Variants in CHRM3 observed in about 807,000 individuals in gnomAD.
CHRM3 encodes the protein cholinergic receptor muscarinic 3.
In CHRM3, 11 loss-of-function variants were observed where a neutral mutation model predicts 41.8. That is an observed-to-expected ratio of 0.26 (90% CI 0.17 to 0.44). CHRM3 has a LOEUF of 0.44. Among genes scored for constraint, CHRM3 ranks in the 20% least tolerant of loss-of-function variants. CHRM3 has a pLI of 1.00. For synonymous variants in CHRM3, 297 were observed against 301.4 expected (o/e 0.99, Z 0.15); for missense variants, 571 against 745.4 (o/e 0.77, Z 2.72).
At chr1:239,795,655 G>T (rs1669707090) in intron 5 of CHRM3, among the ~76,000 whole-genome samples, 1 of 152,096 alleles carries the variant, frequency 6.6e-6, no homozygotes, top group Admixed American at 6.6e-5. Flanking sequence ...TTCCTATAAA[G>T]AACTTTATTG....
At chr1:239,848,006 A>G (rs1283450492) in intron 6 of CHRM3, among the ~76,000 whole-genome samples, 4 of 150,390 alleles carry the variant, frequency 2.7e-5, no homozygotes. Flanking sequence ...GGTAGCAAGA[A>G]GCTGATCCAT....
chr1:239,407,643 C>T (rs1660718622), intron 1 of CHRM3, among the ~76,000 whole-genome samples: 1 of 152,052 alleles, frequency 6.6e-6, no homozygotes. Context: ...CTGTCACTCA[C>T]AATAAATTAT....
In CHRM3 at chr1:239,641,283, G is replaced by A. The variant is rs573253093; in HGVS notation, c.-250+8997G>A. Among the ~76,000 whole-genome samples, 31 of 150,764 alleles carry A rather than the reference G, an allele frequency of 2.1e-4. 1 individual carries two copies. The South Asian group carries it at 3.6e-3, about 18-fold the overall frequency. Reference sequence around the variant, plus strand: ...AGTTCTGTAGATGTCTATTAGGTCCGCTTGGTGCAGAGCTGAGTTCAATTC... The same window carrying A: ...AGTTCTGTAGATGTCTATTAGGTCCACTTGGTGCAGAGCTGAGTTCAATTC... On this transcript the variant is annotated intron_variant, in intron 4 of 6. Coordinates refer to ENST00000676153, the MANE Select transcript of CHRM3 (RefSeq NM_001375978.1).
At chr1:239,722,074 A>G (rs1276937699) in intron 5 of CHRM3, among the ~76,000 whole-genome samples, 1 of 151,952 alleles carries the variant, frequency 6.6e-6, no homozygotes, top group African/African-American at 2.4e-5. Context: ...ACAGGCATTT[A>G]GATACAACAC....
At chr1:239,406,241 G>A (rs945011651) in intron 1 of CHRM3, among the ~76,000 whole-genome samples, 1 of 152,078 alleles carries the variant, frequency 6.6e-6, no homozygotes, top group Non-Finnish European at 1.5e-5. Context: ...AGACTCCCTT[G>A]GTATTTTGAC....
intron 3 of CHRM3, among the ~76,000 whole-genome samples, chr1:239,563,417 T>G (rs190812245): frequency 1.6e-4 from 25 of 152,134 alleles, no homozygotes; most frequent in African/African-American, 6.0e-4. Context: ...TGACCAATAT[T>G]TGGGGACAGT....
intron 3 of CHRM3, among the ~76,000 whole-genome samples, chr1:239,559,395 C>G (rs1293301826): frequency 1.3e-5 from 2 of 152,158 alleles, no homozygotes; most frequent in Non-Finnish European, 2.9e-5. Flanking sequence ...AATTGAATCT[C>G]TCATTTCAGC....
At chr1:239,523,945 C>T (rs1669824480) in intron 2 of CHRM3, among the ~76,000 whole-genome samples, 1 of 152,082 alleles carries the variant, frequency 6.6e-6, no homozygotes, top group Admixed American at 6.5e-5. Context: ...GGAAATCACA[C>T]ACAGCACATT....
At chr1:239,756,350 T>C (rs1396239512) in intron 5 of CHRM3, among the ~76,000 whole-genome samples, 4 of 152,206 alleles carry the variant, frequency 2.6e-5, no homozygotes, top group Admixed American at 6.5e-5. Context: ...AACTCAATGC[T>C]ACCAAAATGA....
chr1:239,839,765 G>T (rs962342567), intron 6 of CHRM3, among the ~76,000 whole-genome samples: 5 of 148,626 alleles, frequency 3.4e-5, no homozygotes, highest in African/African-American at 1.2e-4. Context: ...TACCATGAAT[G>T]TCTGGGACAT....
intron 1 of CHRM3, among the ~76,000 whole-genome samples, chr1:239,401,404 A>T (rs1199553079): frequency 1.3e-5 from 2 of 152,120 alleles, no homozygotes; most frequent in East Asian, 1.9e-4. Context: ...GACTTTCCTT[A>T]AAGTACACTT....
intron 1 of CHRM3, among the ~76,000 whole-genome samples, chr1:239,489,431 G>T (rs947947830): frequency 1.3e-5 from 2 of 151,848 alleles, no homozygotes; most frequent in Non-Finnish European, 1.5e-5. Flanking sequence ...AAAAATTGGG[G>T]GTCAGTTAGG....
intron 3 of CHRM3, among the ~76,000 whole-genome samples, chr1:239,555,356 T>C (rs1307775425): frequency 6.6e-6 from 1 of 152,208 alleles, no homozygotes; most frequent in African/African-American, 2.4e-5. Flanking sequence ...GTTGTGGAAC[T>C]ACAGTCATTG....
chr1:239,599,683 A>G (rs1472732255), intron 3 of CHRM3, among the ~76,000 whole-genome samples: 1 of 152,136 alleles, frequency 6.6e-6, no homozygotes, highest in Non-Finnish European at 1.5e-5. Flanking sequence ...AGCCTACCAA[A>G]TATCATAGCT....
chr1:239,849,977 T>C (rs1264593620), intron 6 of CHRM3, among the ~76,000 whole-genome samples: 1 of 152,134 alleles, frequency 6.6e-6, no homozygotes, highest in Admixed American at 6.6e-5. Context: ...ATCCTTTTAA[T>C]TTAAATATGT....
chr1:239,530,733 A>G lies in CHRM3; in HGVS notation c.-421-14908A>G, dbSNP rs139816576. On this transcript the variant is annotated intron_variant, in intron 2 of 6. Coordinates refer to ENST00000676153, the MANE Select transcript of CHRM3 (RefSeq NM_001375978.1). The stretch of plus-strand genomic sequence containing the variant: ...AGAGAGGAGCACAAAAGCAGTCTTG[A>G]GATGGCAGAAGAAAGACCCAGTGAC... 6.7e-4 allele frequency among the ~76,000 whole-genome samples: 102 copies of G among 152,330 alleles called. 1 individual carries two copies. The highest frequency in any genetic ancestry group is 2.4e-3 in the African/African-American group (99 of 41,576).
intron 5 of CHRM3, among the ~76,000 whole-genome samples, chr1:239,767,553 A>G (rs1449921364): frequency 6.6e-6 from 1 of 152,210 alleles, no homozygotes; most frequent in African/African-American, 2.4e-5. Flanking sequence ...CCTAGAATCA[A>G]TATGGTTAAC....
intron 2 of CHRM3, among the ~76,000 whole-genome samples, chr1:239,544,181 C>T (rs976325771): frequency 6.6e-6 from 1 of 152,244 alleles, no homozygotes; most frequent in African/African-American, 2.4e-5. Flanking sequence ...TCCAAGCTGG[C>T]TGTTTTTTTG....
At chr1:239,791,519 A>G (rs779857473) in intron 5 of CHRM3, among the ~76,000 whole-genome samples, 2 of 152,138 alleles carry the variant, frequency 1.3e-5, no homozygotes, top group East Asian at 3.9e-4. Context: ...CTACCTCTTT[A>G]GTGGCTGTAG....
Sources: allele counts gnomAD v4.1 joint callset (sites outside exome capture counted in the v4.1 genomes callset), GRCh38; gene constraint gnomAD v4.1.1; transcripts MANE v1.5; gene names NCBI Gene and HGNC (gene_info 2026-07-23, HGNC 2026-07-21).